The following P2RX6 variants were observed in gnomAD, a reference collection of about 807,000 sequenced individuals.
P2RX6 encodes the protein purinergic receptor P2X 6, also known as P2X purinoceptor 6.
A neutral mutation model predicts 54.2 loss-of-function variants in P2RX6; 62 were observed. The ratio of observed to expected loss-of-function variants is 1.14; its 90% CI spans 0.93 to 1.41. The LOEUF is 1.41. Ranked by LOEUF, P2RX6 falls within the 40% of genes most tolerant of loss-of-function variation. The probability of loss-of-function intolerance (pLI) is 0.00; values close to 1 mark genes in which losing one functional copy is unlikely to be tolerated. For synonymous variants in P2RX6, 211 were observed against 231.9 expected, an observed-to-expected ratio of 0.91 and a Z score of 0.82; for missense variants, 541 against 566.3, an observed-to-expected ratio of 0.96 and a Z score of 0.45.
At chr22:21,011,629 A>G (rs1925741655), upstream of P2RX6, 3 of 709,128 alleles carry the variant, frequency 4.2e-6, no homozygotes, top group Admixed American at 2.0e-5. Context: ...TGGGATGCAA[A>G]GCCAGGTACC....
upstream of P2RX6, among the ~76,000 whole-genome samples, chr22:21,011,068 G>T (rs796178977): frequency 2.0e-4 from 31 of 152,238 alleles, no homozygotes; most frequent in African/African-American, 6.7e-4. Flanking sequence ...TGTTTCTTTT[G>T]CAGTGCCAAT....
intron 1 of P2RX6, among the ~76,000 whole-genome samples, chr22:21,015,737 G>A (rs1472487274): frequency 6.6e-6 from 1 of 152,110 alleles, no homozygotes; most frequent in African/African-American, 2.4e-5. Flanking sequence ...TTGTCTGAGG[G>A]CATTGGCTCT....
chr22:21,025,913 G>A lies in P2RX6; in HGVS notation c.984+15G>A, dbSNP rs760801688. 1.3e-6 allele frequency: 2 copies of A among 1,579,020 alleles called. No individual in the cohort carries two copies. The highest frequency in any genetic ancestry group is 1.7e-6 in the Non-Finnish European group (2 of 1,162,540). ...TCACCGGGCAGGTAGGCACAGGTAG[G>A]GGTCAGGCCGGGGATGGGATGGGGC... is the stretch of plus-strand genomic sequence containing the variant. On this transcript the variant is annotated intron_variant, in intron 9 of 11. Transcript: ENST00000413302.
upstream of P2RX6, chr22:21,015,019 C>T (rs1926089061): frequency 3.8e-6 from 2 of 526,408 alleles, no homozygotes; most frequent in Non-Finnish European, 6.5e-6. Context: ...GTGGGAGGTG[C>T]AGGGCAGCTG....
intron 8 of P2RX6, 32 bp downstream of exon 8, chr22:21,023,650 C>CTGGGCGA: frequency 6.7e-7 from 1 of 1,490,658 alleles, no homozygotes; most frequent in South Asian, 1.2e-5. Context: ...TGCCCAGCTG[C>CTGGGCGA]TGGGCCCATC....
In P2RX6 at chr22:21,026,520, C is replaced by T; in HGVS notation, c.1229C>T (p.Ala410Val). 6.3e-7 allele frequency: 1 copy of T among 1,591,142 alleles called. No homozygotes were observed. The highest frequency in any genetic ancestry group is 8.5e-7 in the Non-Finnish European group (1 of 1,169,598). The change falls in exon 12 of 12, where the codon GCA (alanine) becomes GTA (valine). Residue 410 changes from alanine (A) to valine (V), a missense_variant. Ala to Val is a moderately conservative substitution (Grantham distance 64). Transcript: ENST00000413302. This position sits in a 1 kb window ranked among gnomAD's most constrained non-coding sequence, Gnocchi z 4.0. ...TGCCTCAGACGGAGCTCAGCACCTG[C>T]ACCCACGGCCACTGCTGCTGGGAGT... is the stretch of plus-strand genomic sequence containing the variant. ...AECLRRSSAPAPTATAAGSQT... is the reference protein window; with the variant it reads ...AECLRRSSAPVPTATAAGSQT...
chr22:21,018,291 G>T (rs539391272), intron 3 of P2RX6: 18 of 520,522 alleles, frequency 3.5e-5, no homozygotes, highest in South Asian at 3.4e-4. Flanking sequence ...CTGAGGCTCA[G>T]TGAGGTTGAG....
chr22:21,019,250 G>C (rs936403119), intron 3 of P2RX6, among the ~76,000 whole-genome samples: 17 of 152,316 alleles, frequency 1.1e-4, no homozygotes, highest in Admixed American at 8.5e-4. Flanking sequence ...GCTGGTCCTA[G>C]CACAGTTGCT....
upstream of P2RX6, chr22:21,012,557 C>G (rs1208641995): frequency 8.1e-6 from 5 of 620,676 alleles, no homozygotes; most frequent in Non-Finnish European, 1.2e-5. Flanking sequence ...CTCAGGGCAC[C>G]TGCCAGGGCC....
At chr22:21,017,772 T>C in intron 2 of P2RX6, 2 of 628,996 alleles carry the variant, frequency 3.2e-6, no homozygotes, top group South Asian at 1.7e-5. Flanking sequence ...ACAAGAGACT[T>C]GTCTCAAGAG....
At chr22:21,014,994 G>A (rs1926087196), upstream of P2RX6, 2 of 513,034 alleles carry the variant, frequency 3.9e-6, no homozygotes, top group South Asian at 2.9e-5. Flanking sequence ...GCCCAGCAAA[G>A]GGAATGTAGG....
chr22:21,025,989 G>T (rs755432898), intron 9 of P2RX6, 22 bp from the exon 10 acceptor site: 2 of 1,604,142 alleles, frequency 1.2e-6, no homozygotes, highest in Admixed American at 3.4e-5. Context: ...GGGCTGAGAG[G>T]TTCAGCTCAG....
At chr22:21,022,065 C>G (rs1379991200) in intron 3 of P2RX6, among the ~76,000 whole-genome samples, 1 of 152,170 alleles carries the variant, frequency 6.6e-6, no homozygotes, top group African/African-American at 2.4e-5. Flanking sequence ...CCACCAGGGA[C>G]AGAACTGTCA....
chr22:21,017,682 T>C (rs1296673223), intron 2 of P2RX6, among the ~76,000 whole-genome samples: 5 of 152,120 alleles, frequency 3.3e-5, no homozygotes, highest in Non-Finnish European at 7.4e-5. Flanking sequence ...AACACTACAC[T>C]CCAGCCTGGG....
Position 21,026,861 on chromosome 22 carries a change from T to C in P2RX6, c.*244T>C. 1.4e-6 allele frequency: 1 copy of C among 730,298 alleles called. No individual in the cohort carries two copies. Among genetic ancestry groups the C allele is most frequent in the South Asian group, 2.0e-5 (1 of 49,668 alleles). The allele number at this position is 730,298 out of a possible 1,614,324, so 45.2% of individuals were successfully genotyped here. A position where few individuals can be genotyped will look rare whatever the true frequency, so the allele number is the denominator to read the frequency against. ...ACTGGGAGAGCCCAGCAGGCACCTG[T>C]ATTGCAGGGCTCCGACTGCATGTGG... On this transcript the variant is annotated 3_prime_UTR_variant, in exon 12 of 12. Coordinates refer to ENST00000413302, the MANE Select transcript of P2RX6 (RefSeq NM_005446.5). This position sits in a 1 kb window ranked among gnomAD's most constrained non-coding sequence, Gnocchi z 4.0.
rs763131688 is a variant in P2RX6 at position 21,023,518 on chromosome 22, G to A, written c.790G>A (p.Val264Ile). 6.2e-7 allele frequency: 1 copy of A among 1,613,808 alleles called. No homozygotes were observed. Among genetic ancestry groups the A allele is most frequent in the East Asian group, 2.2e-5 (1 of 44,882 alleles). Reference protein sequence around the residue: ...FEDLALLGGSVGIRVHWDCDL... With the variant: ...FEDLALLGGSIGIRVHWDCDL... The stretch of plus-strand genomic sequence containing the variant: ...TATGTGCTATGTGCAGGGTGGCTCT[G>A]TAGGCATCAGAGTTCACTGGGATTG... Residue 264 changes from valine (V) to isoleucine (I), a missense_variant, in exon 8 of 12, where the codon GTA (valine) becomes ATA (isoleucine). By Grantham distance (29) the Val-to-Ile change is conservative. Around this residue, in one of 2 missense-constraint regions of P2RX6, gnomAD observed 526 missense variants for 531.5 expected, o/e 0.99. Coordinates refer to ENST00000413302, the MANE Select transcript of P2RX6 (RefSeq NM_005446.5).
In P2RX6 at chr22:21,015,348, A is replaced by T; in HGVS notation, c.164+10A>T. ...TGGTCTATGTGGTAGGGTAAGAGAG[A>T]AGAGCTTTTGGCCAGGCTGGAGGGG... is the stretch of plus-strand genomic sequence containing the variant. On this transcript the variant is annotated intron_variant, in intron 1 of 11. Coordinates refer to ENST00000413302, the MANE Select transcript of P2RX6 (RefSeq NM_005446.5). The T allele has an allele frequency of 6.5e-7, 1 of 1,544,216 alleles. No individual in the cohort carries two copies. Among genetic ancestry groups the T allele is most frequent in the Non-Finnish European group, 8.7e-7 (1 of 1,155,800 alleles).
chr22:21,013,647 T>A (rs1416927924), upstream of P2RX6: 1 of 152,264 alleles, frequency 6.6e-6, no homozygotes, highest in Non-Finnish European at 1.5e-5. Context: ...GAGTCAGGCC[T>A]CTACCTGTCT....
upstream of P2RX6, chr22:21,012,494 C>A: frequency 1.8e-6 from 1 of 541,642 alleles, no homozygotes; most frequent in Non-Finnish European, 3.5e-6. Flanking sequence ...GGAGGACTCA[C>A]GCCTGCCCAC....
Sources: gnomAD v4.1 joint callset for allele counts (sites outside exome capture counted in the v4.1 genomes callset) on GRCh38, gnomAD v4.1.1 for gene constraint, gnomAD v4.1.1 regional missense constraint, Gnocchi (gnomAD v3.1) non-coding constraint, MANE v1.5 for transcripts, NCBI Gene and HGNC (gene_info 2026-07-23, HGNC 2026-07-21) for gene names.